Variants in KMT2C observed in about 807,000 individuals in gnomAD.
KMT2C encodes lysine methyltransferase 2C.
In KMT2C, 88 loss-of-function variants were observed where a neutral mutation model predicts 507.9. The ratio of observed to expected loss-of-function variants is 0.17; its 90% CI spans 0.15 to 0.21. KMT2C has a LOEUF of 0.21. KMT2C is among the 10% of genes least tolerant of loss of function. The probability of loss-of-function intolerance (pLI) is 1.00; values close to 1 mark genes in which losing one functional copy is unlikely to be tolerated. For synonymous variants in KMT2C, 2,049 were observed against 2,080.8 expected, an observed-to-expected ratio of 0.98 and a Z score of 0.42; for missense variants, 4,954 against 5,957.8, an observed-to-expected ratio of 0.83 and a Z score of 5.55.
At chr7:152,198,564 C>T (rs551918999) in intron 27 of KMT2C, among the ~76,000 whole-genome samples, 7 of 152,260 alleles carry the variant, frequency 4.6e-5, no homozygotes, top group Admixed American at 4.6e-4. Flanking sequence ...CTTACCTACC[C>T]AATGAGTTAA....
intron 6 of KMT2C, among the ~76,000 whole-genome samples, chr7:152,301,928 T>C (rs2096572652): frequency 6.6e-6 from 1 of 152,218 alleles, no homozygotes; most frequent in African/African-American, 2.4e-5. Flanking sequence ...ATACACTGTT[T>C]TTCAACTTTT....
intron 1 of KMT2C, among the ~76,000 whole-genome samples, chr7:152,373,154 GA>G (rs999579942): frequency 4.6e-5 from 7 of 151,622 alleles, no homozygotes; most frequent in African/African-American, 4.8e-5. Flanking sequence ...AACAAATGCA[GA>G]AAAAAAACAG....
chr7:152,226,744 G>C (rs1339560142), intron 18 of KMT2C, among the ~76,000 whole-genome samples: 1 of 152,130 alleles, frequency 6.6e-6, no homozygotes, highest in Non-Finnish European at 1.5e-5. Context: ...AGAAAGTTTT[G>C]AGGGCCATAT....
intron 1 of KMT2C, 31 bp from the exon 2 acceptor site, chr7:152,358,706 T>G: frequency 7.5e-7 from 1 of 1,332,172 alleles, no homozygotes; most frequent in Non-Finnish European, 1.1e-6. Flanking sequence ...AATAAGTACA[T>G]AGAGTTAAAT....
At chr7:152,215,357 C>CA (rs1216352800) in intron 23 of KMT2C, among the ~76,000 whole-genome samples, 2 of 150,826 alleles carry the variant, frequency 1.3e-5, no homozygotes, top group African/African-American at 2.4e-5. Context: ...ACTAAAAATA[C>CA]AAAAAAATTA....
At chr7:152,360,307 G>A (rs1438153099) in intron 1 of KMT2C, among the ~76,000 whole-genome samples, 4 of 151,656 alleles carry the variant, frequency 2.6e-5, no homozygotes, top group African/African-American at 4.8e-5. Flanking sequence ...GCGAAACCTC[G>A]TCTCTACTAA....
At chr7:152,285,556 A>G (rs571642285) in intron 6 of KMT2C, among the ~76,000 whole-genome samples, 255 of 152,394 alleles carry the variant, frequency 1.7e-3, no homozygotes, top group Non-Finnish European at 3.4e-3. Context: ...ACTTTCCTAA[A>G]ATGTCTCAAA....
chr7:152,293,670 C>A (rs1397179086), intron 6 of KMT2C, among the ~76,000 whole-genome samples: 1 of 152,116 alleles, frequency 6.6e-6, no homozygotes, highest in Non-Finnish European at 1.5e-5. Context: ...TTTCTTTAAA[C>A]TTATTTAATA....
intron 5 of KMT2C, among the ~76,000 whole-genome samples, chr7:152,310,848 G>A (rs1313132569): frequency 6.6e-6 from 1 of 151,710 alleles, no homozygotes; most frequent in Non-Finnish European, 1.5e-5. Context: ...CCACACTCCG[G>A]GAATTTTTTT....
At chr7:152,205,258 G>A (rs10265729) in intron 24 of KMT2C, 33 bp from the exon 25 acceptor site, 68,639 of 1,592,862 alleles carry the variant, frequency 0.043, 5,426 homozygotes, top group African/African-American at 0.31. Context: ...AAACTGATAA[G>A]TAATTTCTCC....
intron 22 of KMT2C, 62 bp from the exon 23 acceptor site, chr7:152,220,797 T>C: frequency 8.2e-7 from 1 of 1,216,628 alleles, no homozygotes; most frequent in African/African-American, 1.5e-5. Flanking sequence ...GACTGATTAC[T>C]GTTCCAAAAT....
chr7:152,251,924 C>T lies in KMT2C; in HGVS notation c.1621+15G>A, dbSNP rs1396334295. The stretch of plus-strand genomic sequence containing the variant: ...AAAAACAAAAAATTTAAAAAAAAAT[C>T]ATTCTCAAATTTACCTGTAGTGAGC... On this transcript the variant is annotated intron_variant, in intron 11 of 58. Coordinates refer to ENST00000262189, the MANE Select transcript of KMT2C (RefSeq NM_170606.3). The T allele has an allele frequency of 5.1e-6, 8 of 1,554,222 alleles. No homozygotes were observed. Among genetic ancestry groups the T allele is most frequent in the Non-Finnish European group, 7.0e-6 (8 of 1,150,448 alleles).
At chr7:152,424,644 G>T (rs951681324) in intron 1 of KMT2C, among the ~76,000 whole-genome samples, 1 of 152,092 alleles carries the variant, frequency 6.6e-6, no homozygotes, top group Admixed American at 6.6e-5. Flanking sequence ...GGCTGGTCTT[G>T]AACTCCTGGG....
intron 18 of KMT2C, among the ~76,000 whole-genome samples, chr7:152,228,184 T>C (rs1563486914): frequency 6.6e-6 from 1 of 152,186 alleles, no homozygotes; most frequent in Admixed American, 6.6e-5. Context: ...ATGTTCCTAG[T>C]TTTAATTTCT....
At chr7:152,147,815 C>G (rs112272943) in intron 52 of KMT2C, among the ~76,000 whole-genome samples, 1 of 151,852 alleles carries the variant, frequency 6.6e-6, no homozygotes, top group Non-Finnish European at 1.5e-5. Context: ...CTCACCAACT[C>G]GTATGTTCAA....
chr7:152,213,708 G>T (rs1411846925), intron 23 of KMT2C, among the ~76,000 whole-genome samples: 1 of 148,700 alleles, frequency 6.7e-6, no homozygotes, highest in Non-Finnish European at 1.5e-5. Context: ...GCAAAAATAA[G>T]CAAGTGGGAC....
At chr7:152,160,401 G>A (rs2092375645) in intron 43 of KMT2C, among the ~76,000 whole-genome samples, 1 of 151,932 alleles carries the variant, frequency 6.6e-6, no homozygotes, top group African/African-American at 2.4e-5. Context: ...CCCTCCTGGT[G>A]CTCCTCACAC....
At chr7:152,351,695 T>C (rs182637450) in intron 2 of KMT2C, among the ~76,000 whole-genome samples, 11 of 152,340 alleles carry the variant, frequency 7.2e-5, no homozygotes, top group Admixed American at 7.2e-4. Flanking sequence ...ATAATACTTT[T>C]ATAATTTCTT....
rs770265937 is a variant in KMT2C, at chr7:152,399,868, TA to T, written c.161+35757del. On this transcript the variant is annotated intron_variant, in intron 1 of 58. Transcript: ENST00000262189. ...AACATTTAAAATATAACTTCCAATA[TA>T]AAATTAAAAGGTCCAAGAATAAATA... is the stretch of plus-strand genomic sequence containing the variant. 1.1e-4 allele frequency among the ~76,000 whole-genome samples: 17 copies of T among 150,346 alleles called. No individual in the cohort carries two copies. In the East Asian group the frequency reaches 1.6e-3, roughly 14 times the overall value.
Sources: gnomAD v4.1 joint callset for allele counts (sites outside exome capture counted in the v4.1 genomes callset) on GRCh38, gnomAD v4.1.1 for gene constraint, MANE v1.5 for transcripts, NCBI Gene and HGNC (gene_info 2026-07-23, HGNC 2026-07-21) for gene names.